The following MED12L variants were observed in gnomAD, a reference collection of about 807,000 sequenced individuals.
MED12L encodes the protein mediator of RNA polymerase II transcription subunit 12-like protein.
MED12L carries 60 observed loss-of-function variants against 281.3 expected under a neutral mutation model. The observed-to-expected ratio is 0.21, with a 90% confidence interval of 0.17 to 0.26. MED12L has a LOEUF of 0.26. Among genes scored for constraint, MED12L ranks in the 10% least tolerant of loss-of-function variants. The pLI is 1.00. For synonymous variants in MED12L, 974 were observed against 987.2 expected (o/e 0.99, Z 0.25); for missense variants, 2,146 against 2,680.9 (o/e 0.80, Z 4.41).
chr3:151,331,793 C>A (rs1299702668), intron 16 of MED12L, among the ~76,000 whole-genome samples: 3 of 152,188 alleles, frequency 2.0e-5, no homozygotes, highest in African/African-American at 7.2e-5. Flanking sequence ...TAATCCTTAA[C>A]AATCCCCAGA....
intron 20 of MED12L, among the ~76,000 whole-genome samples, chr3:151,358,976 T>C (rs1754283919): frequency 6.6e-6 from 1 of 152,190 alleles, no homozygotes; most frequent in African/African-American, 2.4e-5. Context: ...TACAGGTTTA[T>C]TACAAAGGTA....
Position 151,206,642 on chromosome 3 carries a change from C to CTTTT in MED12L, c.2250+12993_2250+12996dup, listed in dbSNP as rs747558778. Among the ~76,000 whole-genome samples, 15 of 70,316 alleles carry CTTTT rather than the reference C, an allele frequency of 2.1e-4. 7 individuals are homozygous for CTTTT. The highest frequency in any genetic ancestry group is 1.0e-3 in the East Asian group (2 of 1,994). 46.1% of individuals were successfully genotyped at this position (70,316 alleles called of 152,430 possible). On this transcript the variant is annotated intron_variant, in intron 16 of 44. Coordinates refer to ENST00000687756, the MANE Select transcript of MED12L (RefSeq NM_001393769.1). Reference sequence around the variant, plus strand: ...TATGAACTTATGACTAACACATTATCTTTTTTTTTTTTTTTTTTTTGAGAC... The same window carrying CTTTT: ...TATGAACTTATGACTAACACATTATCTTTTTTTTTTTTTTTTTTTTTTTTGAGAC...
At chr3:151,413,497 G>A (rs761682357) in intron 42 of MED12L, among the ~76,000 whole-genome samples, 4 of 152,156 alleles carry the variant, frequency 2.6e-5, no homozygotes, top group Admixed American at 2.0e-4. Flanking sequence ...ACCAGGTTAT[G>A]GGCAGAAGAG....
intron 16 of MED12L, among the ~76,000 whole-genome samples, chr3:151,282,988 A>G (rs1743014372): frequency 6.6e-6 from 1 of 152,354 alleles, no homozygotes; most frequent in South Asian, 2.1e-4. Context: ...AAGTCACCAC[A>G]TTATAAAATA....
At chr3:151,163,034 A>C (rs1381440102) in intron 8 of MED12L, among the ~76,000 whole-genome samples, 1 of 152,206 alleles carries the variant, frequency 6.6e-6, no homozygotes, top group Non-Finnish European at 1.5e-5. Flanking sequence ...ATAATGTTTA[A>C]TCTATGTTTA....
At chr3:151,402,811 C>T (rs1715848822) in intron 39 of MED12L, among the ~76,000 whole-genome samples, 1 of 152,144 alleles carries the variant, frequency 6.6e-6, no homozygotes, top group Non-Finnish European at 1.5e-5. Flanking sequence ...TAAGTCTTGA[C>T]TTCCTGCAAC....
intron 16 of MED12L, among the ~76,000 whole-genome samples, chr3:151,320,793 C>T (rs754007258): frequency 3.3e-5 from 5 of 152,076 alleles, no homozygotes; most frequent in South Asian, 2.1e-4. Context: ...CTTGCTTGTG[C>T]GAGAGGCAGT....
chr3:151,397,200 A>G (rs1715090719), intron 39 of MED12L, among the ~76,000 whole-genome samples: 1 of 152,236 alleles, frequency 6.6e-6, no homozygotes, highest in Admixed American at 6.5e-5. Context: ...CATAACAGTG[A>G]TTGTACAGTA....
chr3:151,268,607 G>A (rs1356927673), intron 16 of MED12L, among the ~76,000 whole-genome samples: 1 of 152,196 alleles, frequency 6.6e-6, no homozygotes, highest in Non-Finnish European at 1.5e-5. Context: ...TAATTTGTGA[G>A]TTCATTCCCA....
At chr3:151,357,863 G>A (rs572403724) in intron 20 of MED12L, among the ~76,000 whole-genome samples, 1 of 152,232 alleles carries the variant, frequency 6.6e-6, no homozygotes, top group Admixed American at 6.5e-5. Flanking sequence ...ATTTTCAGTT[G>A]TAGGCTGGGG....
At position 151,156,239 on chromosome 3, in the gene MED12L, C is replaced by T. The variant is rs769726260; in HGVS notation, c.635C>T (p.Thr212Met). 3.0e-5 allele frequency: 49 copies of T among 1,613,434 alleles called. No homozygotes were observed. The highest frequency in any genetic ancestry group is 1.1e-4 in the East Asian group (5 of 44,850). ...ISDFYHMASS[T>M]GDGPVPVPPE... The stretch of plus-strand genomic sequence containing the variant: ...GACTTTTACCACATGGCCTCCAGCA[C>T]GGGCGATGGCCCTGTCCCTGTGCCA... The change falls in exon 6 of 45, where the codon ACG becomes ATG. Residue 212 changes from threonine (T) to methionine (M), a missense_variant. By Grantham distance (81) the Thr-to-Met change is moderately conservative (BLOSUM62 -1). Transcript: ENST00000687756.
intron 2 of MED12L, among the ~76,000 whole-genome samples, chr3:151,106,339 C>G (rs1358790690): frequency 2.3e-5 from 3 of 128,602 alleles, no homozygotes; most frequent in Non-Finnish European, 4.8e-5. Context: ...CTCCCCTCCC[C>G]TCCCCTTTCC....
intron 16 of MED12L, among the ~76,000 whole-genome samples, chr3:151,211,174 G>A (rs563131663): frequency 1.3e-5 from 2 of 152,288 alleles, no homozygotes; most frequent in African/African-American, 4.8e-5. Context: ...AATCCATGTT[G>A]TTTCCTGAAA....
chr3:151,201,719 G>A (rs1308593979), intron 16 of MED12L, among the ~76,000 whole-genome samples: 5 of 152,150 alleles, frequency 3.3e-5, no homozygotes, highest in Admixed American at 6.5e-5. Flanking sequence ...CCATGAATTT[G>A]GATAGTTACC....
chr3:151,286,903 A>G (rs1477420501), intron 16 of MED12L, among the ~76,000 whole-genome samples: 1 of 152,198 alleles, frequency 6.6e-6, no homozygotes, highest in Non-Finnish European at 1.5e-5. Context: ...ATGTTCTCAT[A>G]GTTAGATATT....
intron 16 of MED12L, chr3:151,295,234 G>A (rs376524164): frequency 3.8e-5 from 59 of 1,534,748 alleles, no homozygotes; most frequent in Non-Finnish European, 5.0e-5. Context: ...TGGGGAGATA[G>A]GACTTCAGTG....
chr3:151,323,634 T>A (rs924314604), intron 16 of MED12L, among the ~76,000 whole-genome samples: 1 of 152,234 alleles, frequency 6.6e-6, no homozygotes, highest in South Asian at 2.1e-4. Flanking sequence ...TGTGAACCCT[T>A]CTTCATTTTC....
intron 16 of MED12L, among the ~76,000 whole-genome samples, chr3:151,335,450 T>C (rs554790000): frequency 5.3e-5 from 8 of 152,332 alleles, no homozygotes; most frequent in African/African-American, 1.4e-4. Context: ...TGCCAACACC[T>C]GCTTCAGACC....
chr3:151,355,745 A>G (rs1344578932), intron 18 of MED12L, 151 bp from the exon 19 acceptor site: 10 of 569,564 alleles, frequency 1.8e-5, no homozygotes, highest in Non-Finnish European at 2.5e-5. Context: ...CTTTGTACAT[A>G]GTTTTATAGT....
Sources: allele counts gnomAD v4.1 joint callset (sites outside exome capture counted in the v4.1 genomes callset), GRCh38; gene constraint gnomAD v4.1.1; transcripts MANE v1.5; gene names NCBI Gene and HGNC (gene_info 2026-07-23, HGNC 2026-07-21).